Variants in SEL1L2 observed in about 807,000 individuals in gnomAD.
SEL1L2 encodes the protein protein sel-1 homolog 2.
SEL1L2 carries 89 observed loss-of-function variants against 98.8 expected under a neutral mutation model. That is an observed-to-expected ratio of 0.90 (90% CI 0.76 to 1.07). SEL1L2 has a LOEUF of 1.07. Among genes scored for constraint, SEL1L2 ranks in the 50% least tolerant of loss-of-function variants. SEL1L2 has a pLI of 0.00. For synonymous variants in SEL1L2, 262 were observed against 278.5 expected, an observed-to-expected ratio of 0.94 and a Z score of 0.59; for missense variants, 788 against 812.0, an observed-to-expected ratio of 0.97 and a Z score of 0.36.
chr20:13,912,472 T>C (rs1351486159), intron 5 of SEL1L2, among the ~76,000 whole-genome samples: 1 of 152,074 alleles, frequency 6.6e-6, no homozygotes, highest in Non-Finnish European at 1.5e-5. Flanking sequence ...AATTTTTGTA[T>C]TTTTAGTAGA....
intron 1 of SEL1L2, among the ~76,000 whole-genome samples, chr20:13,976,535 A>G (rs1056977195): frequency 1.3e-5 from 2 of 152,200 alleles, no homozygotes; most frequent in South Asian, 2.1e-4. Flanking sequence ...GAATTGGTTG[A>G]AATAAAATAC....
intron 18 of SEL1L2, among the ~76,000 whole-genome samples, chr20:13,858,732 A>C (rs1989558485): frequency 6.6e-6 from 1 of 152,130 alleles, no homozygotes; most frequent in Non-Finnish European, 1.5e-5. Flanking sequence ...TCATCGCCTC[A>C]AGTCAAGTGT....
intron 4 of SEL1L2, 44 bp from the exon 5 acceptor site, chr20:13,913,988 A>G (rs746280936): frequency 6.6e-7 from 1 of 1,510,848 alleles, no homozygotes; most frequent in South Asian, 1.3e-5. Context: ...CAAAAATGAA[A>G]TTTTCTTCTC....
At chr20:13,925,363 C>A (rs955852222) in intron 3 of SEL1L2, among the ~76,000 whole-genome samples, 2 of 152,180 alleles carry the variant, frequency 1.3e-5, no homozygotes, top group African/African-American at 4.8e-5. Context: ...CCCAAAAAAT[C>A]AGGTGGCATA....
At chr20:13,944,091 G>A (rs62207708) in intron 2 of SEL1L2, among the ~76,000 whole-genome samples, 9,757 of 152,220 alleles carry the variant, frequency 0.064, 353 homozygotes, top group Non-Finnish European at 0.073. Context: ...GTCCCTGTCT[G>A]CCTAGGAATT....
chr20:13,964,067 G>A (rs1359978902), intron 1 of SEL1L2, among the ~76,000 whole-genome samples: 4 of 151,802 alleles, frequency 2.6e-5, no homozygotes, highest in African/African-American at 9.7e-5. Flanking sequence ...TTACAGATGG[G>A]GGTTCACCAT....
chr20:13,994,735 A>C (rs1216187441), upstream of SEL1L2, among the ~76,000 whole-genome samples: 1 of 152,218 alleles, frequency 6.6e-6, no homozygotes, highest in Non-Finnish European at 1.5e-5. Context: ...AATTGGTAGA[A>C]TAAAGTAAGA....
At chr20:13,963,527 G>C (rs1022103115) in intron 1 of SEL1L2, among the ~76,000 whole-genome samples, 1 of 151,670 alleles carries the variant, frequency 6.6e-6, no homozygotes. Flanking sequence ...GACCAGCCTG[G>C]CCAACATGGT....
At chr20:13,853,203 A>T (rs1988557247) in intron 18 of SEL1L2, among the ~76,000 whole-genome samples, 1 of 147,322 alleles carries the variant, frequency 6.8e-6, no homozygotes, top group South Asian at 2.1e-4. Flanking sequence ...CTAGCCTATA[A>T]TTTTTTTTTT....
At chr20:13,954,644 TCC>T (rs1456099922) in intron 2 of SEL1L2, among the ~76,000 whole-genome samples, 3 of 152,172 alleles carry the variant, frequency 2.0e-5, no homozygotes, top group Admixed American at 1.3e-4. Context: ...AGGGGCCTAT[TCC>T]CATCTTTACT....
chr20:13,979,213 T>C (rs2051692413), intron 1 of SEL1L2, among the ~76,000 whole-genome samples: 1 of 152,130 alleles, frequency 6.6e-6, no homozygotes, highest in Admixed American at 6.5e-5. Flanking sequence ...ATTGAGCTCA[T>C]ATAAGTGACA....
intron 5 of SEL1L2, among the ~76,000 whole-genome samples, chr20:13,912,677 C>T (rs1275288718): frequency 1.3e-5 from 2 of 152,112 alleles, no homozygotes; most frequent in Admixed American, 1.3e-4. Context: ...CAGAAGATGG[C>T]TCAGATGCAA....
intron 18 of SEL1L2, among the ~76,000 whole-genome samples, chr20:13,854,067 G>A (rs762859349): frequency 2.4e-4 from 36 of 152,274 alleles, no homozygotes; most frequent in South Asian, 8.3e-4. Context: ...ATCCTTTCCA[G>A]AAAATAATTC....
At chr20:13,852,496 C>A (rs1988434898) in intron 18 of SEL1L2, among the ~76,000 whole-genome samples, 1 of 152,108 alleles carries the variant, frequency 6.6e-6, no homozygotes, top group South Asian at 2.1e-4. Context: ...GTAAAAAAAT[C>A]TAAGTCATGC....
At position 13,919,032 on chromosome 20, in the gene SEL1L2, T is replaced by A; in HGVS notation, c.375A>T (p.Lys125Asn). The A allele has an allele frequency of 6.2e-7, 1 of 1,610,094 alleles. No homozygotes were observed. Residue 125 changes from lysine to asparagine, a missense_variant, in exon 4 of 20, where the codon AAA (lysine) becomes AAT (asparagine). Transcript: ENST00000284951. Reference sequence around the variant, plus strand: ...GGATAAAGACTTACTCTTCTTTTTGTTTTTGGCTTTTAGACTGCTGGAGAA... The same window carrying A: ...GGATAAAGACTTACTCTTCTTTTTGATTTTGGCTTTTAGACTGCTGGAGAA... Reference protein sequence around the residue: ...IKVLQQSKSQKQKEEAYLLFA... With the variant: ...IKVLQQSKSQNQKEEAYLLFA...
chr20:13,954,228 A>T (rs775611446), intron 2 of SEL1L2, among the ~76,000 whole-genome samples: 1 of 152,168 alleles, frequency 6.6e-6, no homozygotes, highest in Non-Finnish European at 1.5e-5. Flanking sequence ...ATTATGGAAG[A>T]TAACCAGAAT....
intron 1 of SEL1L2, among the ~76,000 whole-genome samples, chr20:13,989,134 T>G (rs1364929793): frequency 6.6e-6 from 1 of 152,224 alleles, no homozygotes; most frequent in Non-Finnish European, 1.5e-5. Flanking sequence ...TCTTTTCATG[T>G]AGTGAAGTCT....
intron 12 of SEL1L2, among the ~76,000 whole-genome samples, chr20:13,873,919 C>T (rs1483712922): frequency 6.6e-6 from 1 of 152,104 alleles, no homozygotes; most frequent in Non-Finnish European, 1.5e-5. Context: ...GGAGAAGCCA[C>T]AGGTAGGAAG....
chr20:13,889,886 A>G (rs1220815413), intron 5 of SEL1L2, among the ~76,000 whole-genome samples: 1 of 152,258 alleles, frequency 6.6e-6, no homozygotes, highest in East Asian at 1.9e-4. Flanking sequence ...AAACAATAAC[A>G]AATATACAGA....
Sources: allele counts gnomAD v4.1 joint callset (sites outside exome capture counted in the v4.1 genomes callset), GRCh38; gene constraint gnomAD v4.1.1; transcripts MANE v1.5; gene names NCBI Gene and HGNC (gene_info 2026-07-23, HGNC 2026-07-21).